Variants in SYT13 observed in about 807,000 individuals in gnomAD.
SYT13 encodes the protein synaptotagmin-13.
A neutral mutation model predicts 38.6 loss-of-function variants in SYT13; 21 were observed. The ratio of observed to expected loss-of-function variants is 0.54; its 90% confidence interval spans 0.39 to 0.78. The LOEUF (loss-of-function observed/expected upper bound fraction) is 0.78, where lower values mean the gene tolerates loss of function less well. SYT13 is among the 30% of genes least tolerant of loss of function. The pLI is 0.00. For missense variants in SYT13, 495 were observed against 548.7 expected, an observed-to-expected ratio of 0.90 and a Z score of 0.98; for synonymous variants, 241 against 237.6, an observed-to-expected ratio of 1.01 and a Z score of -0.13.
intron 1 of SYT13, among the ~76,000 whole-genome samples, chr11:45,263,950 A>G (rs1200925212): frequency 6.6e-6 from 1 of 152,208 alleles, no homozygotes; most frequent in Non-Finnish European, 1.5e-5. Context: ...AGCTCTTAGG[A>G]CAGAGGCTAG....
intron 1 of SYT13, among the ~76,000 whole-genome samples, chr11:45,259,291 C>T (rs895047585): frequency 4.6e-5 from 7 of 152,164 alleles, no homozygotes; most frequent in Admixed American, 1.3e-4. Flanking sequence ...GTCTGGGAAA[C>T]ATTTTTGTGT....
At chr11:45,250,051 C>T (rs970087214) in intron 4 of SYT13, among the ~76,000 whole-genome samples, 1 of 152,144 alleles carries the variant, frequency 6.6e-6, no homozygotes. Flanking sequence ...ATCTGGGCTG[C>T]AATGACTGAG....
intron 1 of SYT13, among the ~76,000 whole-genome samples, chr11:45,284,932 G>A (rs1002149912): frequency 1.3e-5 from 2 of 152,180 alleles, no homozygotes; most frequent in African/African-American, 4.8e-5. Context: ...CACTCTCACT[G>A]TACAGTGACT....
chr11:45,275,861 G>T (rs555462107), intron 1 of SYT13, among the ~76,000 whole-genome samples: 1 of 152,146 alleles, frequency 6.6e-6, no homozygotes, highest in Non-Finnish European at 1.5e-5. Flanking sequence ...GAACAGAATG[G>T]GAAAGATGAC....
chr11:45,247,349 C>A (rs1854625605), intron 4 of SYT13, among the ~76,000 whole-genome samples: 1 of 152,150 alleles, frequency 6.6e-6, no homozygotes, highest in Non-Finnish European at 1.5e-5. Flanking sequence ...TCAGAAGTCT[C>A]CTCTGTTGAG....
At chr11:45,281,877 C>T (rs977373551) in intron 1 of SYT13, among the ~76,000 whole-genome samples, 1 of 152,190 alleles carries the variant, frequency 6.6e-6, no homozygotes, top group Non-Finnish European at 1.5e-5. Context: ...TTTCTGAAAA[C>T]AGGAGGCGGG....
rs567589201 is a variant in SYT13, at chr11:45,270,202, T to C, written c.184-14311A>G. On this transcript the variant is annotated intron_variant, in intron 1 of 5. Transcript: ENST00000020926. ...GGGGCTCACATTTTTCCTGTTAAAC[T>C]GAGTCTGTGTATAGAAGCATCTCAG... Among the ~76,000 whole-genome samples the C allele has an allele frequency of 3.3e-5, 5 of 152,360 alleles. No homozygotes were observed. The East Asian group carries it at 9.6e-4, about 29-fold the overall frequency.
intron 2 of SYT13, among the ~76,000 whole-genome samples, chr11:45,254,882 G>A (rs1218061146): frequency 6.6e-6 from 1 of 152,108 alleles, no homozygotes; most frequent in Non-Finnish European, 1.5e-5. Flanking sequence ...GAGAGGCCAA[G>A]GCAAGAAGAC....
At chr11:45,259,217 C>T (rs1056841638) in intron 1 of SYT13, among the ~76,000 whole-genome samples, 5 of 152,158 alleles carry the variant, frequency 3.3e-5, no homozygotes, top group Admixed American at 3.3e-4. Context: ...CCTCAGCACA[C>T]ACCTGACTTA....
At chr11:45,262,768 CAA>C (rs1491383594) in intron 1 of SYT13, among the ~76,000 whole-genome samples, 9,664 of 63,216 alleles carry the variant, frequency 0.15, 647 homozygotes, top group Middle Eastern at 0.24. Flanking sequence ...CACACACACA[CAA>C]ATTGAACTGT....
At chr11:45,255,482 G>C (rs6416131) in intron 2 of SYT13, among the ~76,000 whole-genome samples, 184 bp downstream of exon 2, 118,677 of 152,176 alleles carry the variant, frequency 0.78, 47,384 homozygotes, top group Non-Finnish European at 0.87. Flanking sequence ...GGGAGAAGTG[G>C]TATGGCAACA....
In SYT13 at chr11:45,244,677, C is replaced by G. The variant is rs185017911; in HGVS notation, c.977-321G>C. 2.0e-5 allele frequency among the ~76,000 whole-genome samples: 3 copies of G among 152,302 alleles called. No individual in the cohort carries two copies. The East Asian group carries it at 5.8e-4, about 29-fold the overall frequency. On this transcript the variant is annotated intron_variant, in intron 5 of 5. Transcript: ENST00000020926. ...CATTGGGGATTATTCTCCACTCCCC[C>G]ACTAGGCCATGCATTCATTCAACAA...
chr11:45,286,333 C>A lies in SYT13; in HGVS notation c.-126G>T, dbSNP rs2135915949. 2.6e-6 allele frequency: 3 copies of A among 1,173,904 alleles called. No homozygotes were observed. Among genetic ancestry groups the A allele is most frequent in the Admixed American group, 3.0e-5 (1 of 33,220 alleles). The allele number at this position is 1,173,904 out of a possible 1,614,324, so 72.7% of individuals were successfully genotyped here. A position where few individuals can be genotyped will look rare whatever the true frequency, so the allele number is the denominator to read the frequency against. On this transcript the variant is annotated 5_prime_UTR_variant, in exon 1 of 6. Transcript: ENST00000020926. ...TCTCCCGCCGCCAGAGGGGCGGGGACGGAGGGAGGGAGGACGGCTGCGAGG... is the reference window on the plus strand; with the variant it reads ...TCTCCCGCCGCCAGAGGGGCGGGGAAGGAGGGAGGGAGGACGGCTGCGAGG...
intron 1 of SYT13, among the ~76,000 whole-genome samples, chr11:45,271,954 T>C (rs1444140978): frequency 6.6e-6 from 1 of 152,160 alleles, no homozygotes; most frequent in African/African-American, 2.4e-5. Flanking sequence ...CAAGTGCCCA[T>C]GAATGGTAGA....
intron 1 of SYT13, among the ~76,000 whole-genome samples, chr11:45,261,393 C>A (rs956783840): frequency 6.6e-6 from 1 of 151,290 alleles, no homozygotes; most frequent in Non-Finnish European, 1.5e-5. Context: ...AGATCGAGAC[C>A]ATCCTGGCTA....
intron 4 of SYT13, among the ~76,000 whole-genome samples, chr11:45,250,892 C>A (rs899112450): frequency 6.6e-6 from 1 of 152,130 alleles, no homozygotes; most frequent in East Asian, 1.9e-4. Context: ...AATGAGATAG[C>A]ACAGGATTTC....
At position 45,255,778 on chromosome 11, in the gene SYT13, G is replaced by A. The variant is rs776030930; in HGVS notation, c.297C>T (p.Asp99=). ...GCTCCTCCGTAGACCTCAGTGAATAGTCTGCATAGTTGATGACCTCTGGAG... is the reference window on the plus strand; with the variant it reads ...GCTCCTCCGTAGACCTCAGTGAATAATCTGCATAGTTGATGACCTCTGGAG... ...VTAPEVINYA[D]YSLRSTEEPT... Residue 99 remains aspartate (D), a synonymous_variant, in exon 2 of 6, where the codon GAC becomes GAT. Coordinates refer to ENST00000020926, the MANE Select transcript of SYT13 (RefSeq NM_020826.3). 5 of 1,614,084 alleles carry A rather than the reference G, an allele frequency of 3.1e-6. No homozygotes were observed. The highest frequency in any genetic ancestry group is 4.2e-6 in the Non-Finnish European group (5 of 1,180,052).
In SYT13 at chr11:45,273,013, T is replaced by A. The variant is rs146493287; in HGVS notation, c.183+13012A>T. Among the ~76,000 whole-genome samples, 446 of 152,350 alleles carry A rather than the reference T, an allele frequency of 2.9e-3. 1 individual carries two copies. Among genetic ancestry groups the A allele is most frequent in the African/African-American group, 0.01 (434 of 41,570 alleles). On this transcript the variant is annotated intron_variant, in intron 1 of 5. Transcript: ENST00000020926. ...TATTATTAATCATTAGGGTTGGTAA[T>A]AATAGCTAACATGGTTTGAGTATGC...
chr11:45,261,509 A>G (rs1208439724), intron 1 of SYT13, among the ~76,000 whole-genome samples: 1 of 152,084 alleles, frequency 6.6e-6, no homozygotes, highest in Non-Finnish European at 1.5e-5. Flanking sequence ...AAGGCAGAAG[A>G]ATGGCGTGAA....
Sources: allele counts gnomAD v4.1 joint callset (sites outside exome capture counted in the v4.1 genomes callset), GRCh38; gene constraint gnomAD v4.1.1; transcripts MANE v1.5; gene names NCBI Gene and HGNC (gene_info 2026-07-23, HGNC 2026-07-21).